CCDC3: variants seen among roughly 807,000 people sequenced by gnomAD.
CCDC3 encodes the protein coiled-coil domain-containing protein 3.
In CCDC3, 24 loss-of-function variants were observed where a neutral mutation model predicts 21.4. The observed-to-expected ratio is 1.12, with a 90% CI of 0.81 to 1.58. The LOEUF (loss-of-function observed/expected upper bound fraction) is 1.58. Among genes scored for constraint, CCDC3 ranks in the 40% most tolerant of loss-of-function variants. The pLI is 0.00. For missense variants in CCDC3, 425 were observed against 360.9 expected (o/e 1.18, Z -1.44); for synonymous variants, 186 against 166.0 (o/e 1.12, Z -0.93).
chr10:12,981,996 G>A (rs1046315540), intron 2 of CCDC3, among the ~76,000 whole-genome samples: 6 of 151,510 alleles, frequency 4.0e-5, no homozygotes, highest in African/African-American at 1.5e-4. Context: ...GGTGGCATGT[G>A]TCTGTAGTCC....
At chr10:13,029,784 T>A (rs1036699620) in intron 5 of CCDC3, among the ~76,000 whole-genome samples, 2 of 151,722 alleles carry the variant, frequency 1.3e-5, no homozygotes, top group African/African-American at 4.8e-5. Flanking sequence ...GAAGAGAAGT[T>A]TAGAGAAAAA....
intron 3 of CCDC3, among the ~76,000 whole-genome samples, chr10:13,088,158 C>G (rs1182065343): frequency 6.6e-6 from 1 of 152,134 alleles, no homozygotes; most frequent in African/African-American, 2.4e-5. Context: ...AAAGACTAAT[C>G]TACAGTAAAT....
intron 4 of CCDC3, among the ~76,000 whole-genome samples, chr10:13,063,476 G>A (rs1836785822): frequency 6.6e-6 from 1 of 152,126 alleles, no homozygotes; most frequent in Non-Finnish European, 1.5e-5. Flanking sequence ...TTCTCTAGGG[G>A]CAGATAGGAA....
chr10:13,090,814 T>C (rs1832558244), intron 3 of CCDC3, among the ~76,000 whole-genome samples: 1 of 152,206 alleles, frequency 6.6e-6, no homozygotes, highest in South Asian at 2.1e-4. Flanking sequence ...TTAAGGAGAA[T>C]TGACTCACAC....
intron 2 of CCDC3, among the ~76,000 whole-genome samples, chr10:12,962,954 TAA>T (rs1195321374): frequency 6.6e-6 from 1 of 152,218 alleles, no homozygotes; most frequent in African/African-American, 2.4e-5. Flanking sequence ...TGTGTTTTCA[TAA>T]AAAGATTTAA....
intron 2 of CCDC3, among the ~76,000 whole-genome samples, chr10:12,958,512 C>T (rs1247043096): frequency 6.6e-6 from 1 of 152,220 alleles, no homozygotes; most frequent in African/African-American, 2.4e-5. Context: ...CCCTGATTCA[C>T]CCCATAGGGT....
At chr10:12,983,924 A>G (rs978718459) in intron 2 of CCDC3, among the ~76,000 whole-genome samples, 6 of 152,116 alleles carry the variant, frequency 3.9e-5, no homozygotes, top group Non-Finnish European at 7.4e-5. Context: ...TACTAAAAAT[A>G]CAAAAGTTAG....
chr10:13,090,761 G>A (rs556192703), intron 3 of CCDC3, among the ~76,000 whole-genome samples: 1 of 152,256 alleles, frequency 6.6e-6, no homozygotes, highest in South Asian at 2.1e-4. Context: ...TTCTCTAGAG[G>A]GACAGAAGTA....
chr10:13,030,551 T>C lies in CCDC3; in HGVS notation c.-2+19123A>G, dbSNP rs184451652. On this transcript the variant is annotated intron_variant, in intron 5 of 6. Transcript: ENST00000378839. ...AATTAAAAGATACAGACTGGCAAAC[T>C]GAATAAAGACTCAAGACCCATCAGT... 9.2e-5 allele frequency among the ~76,000 whole-genome samples: 14 copies of C among 151,992 alleles called. No homozygotes were observed. The East Asian group carries it at 2.3e-3, about 25-fold the overall frequency.
At chr10:12,950,220 C>A (rs976308165) in intron 2 of CCDC3, among the ~76,000 whole-genome samples, 2 of 152,150 alleles carry the variant, frequency 1.3e-5, no homozygotes, top group African/African-American at 4.8e-5. Flanking sequence ...CCTGACTAAC[C>A]CAAGGCCTTC....
intron 2 of CCDC3, among the ~76,000 whole-genome samples, chr10:12,959,047 TA>T (rs1412076241): frequency 6.6e-5 from 10 of 152,138 alleles, no homozygotes; most frequent in African/African-American, 2.4e-4. Flanking sequence ...TGTCGCCACA[TA>T]GGGGGAATGA....
At chr10:13,002,814 G>A (rs1370910175), upstream of CCDC3, among the ~76,000 whole-genome samples, 1 of 152,206 alleles carries the variant, frequency 6.6e-6, no homozygotes, top group Non-Finnish European at 1.5e-5. Flanking sequence ...CAAGATTAAA[G>A]TGCTAGGGTT....
At chr10:12,937,326 T>G (rs1834755803) in intron 2 of CCDC3, among the ~76,000 whole-genome samples, 1 of 152,216 alleles carries the variant, frequency 6.6e-6, no homozygotes, top group Non-Finnish European at 1.5e-5. Context: ...CTATTTATTT[T>G]CACTCATTTC....
chr10:12,907,226 G>A lies in CCDC3; in HGVS notation c.550-8547C>T, dbSNP rs115947433. Among the ~76,000 whole-genome samples the A allele has an allele frequency of 3.0e-3, 461 of 152,320 alleles. 4 individuals are homozygous for A. Among genetic ancestry groups the A allele is most frequent in the African/African-American group, 0.011 (440 of 41,564 alleles). ...CTTAATAAATGGATGAAGGGATGCA[G>A]GTTGAAATAGAAGCAAGTCATTTTC... On this transcript the variant is annotated intron_variant, in intron 2 of 2. Transcript: ENST00000378825.
At chr10:12,928,545 T>G (rs1047238049) in intron 2 of CCDC3, among the ~76,000 whole-genome samples, 1 of 152,092 alleles carries the variant, frequency 6.6e-6, no homozygotes, top group African/African-American at 2.4e-5. Flanking sequence ...GCCTCCAGAG[T>G]TGTCTCTTCA....
At position 12,898,110 on chromosome 10, in the gene CCDC3, C is replaced by A. The variant is rs1834029576; in HGVS notation, c.*306G>T. 1 of 389,872 alleles carries A rather than the reference C, an allele frequency of 2.6e-6. No individual in the cohort carries two copies. Among genetic ancestry groups the A allele is most frequent in the Admixed American group, 4.1e-5 (1 of 24,620 alleles). The allele number at this position is 389,872 out of a possible 1,614,324, so 24.2% of individuals were successfully genotyped here. On this transcript the variant is annotated 3_prime_UTR_variant, in exon 3 of 3. Transcript: ENST00000378825. ...CACTAGAGATTCTAAAATGTTCTCTCCCCAGTCAGGGCTCTTTCTGGGCTG... is the reference window on the plus strand; with the variant it reads ...CACTAGAGATTCTAAAATGTTCTCTACCCAGTCAGGGCTCTTTCTGGGCTG...
At chr10:13,041,189 A>G (rs1564329790) in intron 5 of CCDC3, among the ~76,000 whole-genome samples, 2 of 152,314 alleles carry the variant, frequency 1.3e-5, no homozygotes, top group Middle Eastern at 3.4e-3. Context: ...AGCCAGAAGT[A>G]CCTATTCATC....
intron 2 of CCDC3, among the ~76,000 whole-genome samples, chr10:12,997,242 GAAA>G (rs35942622): frequency 6.2e-5 from 9 of 144,468 alleles, no homozygotes; most frequent in East Asian, 2.0e-4. Context: ...TTCGTTAATG[GAAA>G]AAAAAAAAAA....
At chr10:12,946,527 A>G (rs1181685414) in intron 2 of CCDC3, among the ~76,000 whole-genome samples, 1 of 152,176 alleles carries the variant, frequency 6.6e-6, no homozygotes, top group East Asian at 1.9e-4. Context: ...AACTGTGGCT[A>G]ATCAGGTCAT....
Sources: allele counts gnomAD v4.1 joint callset (sites outside exome capture counted in the v4.1 genomes callset), GRCh38; gene constraint gnomAD v4.1.1; transcripts MANE v1.5; gene names NCBI Gene and HGNC (gene_info 2026-07-23, HGNC 2026-07-21).